Variants in ARFGEF3 observed in about 807,000 individuals in gnomAD.
The protein encoded by ARFGEF3 is brefeldin A-inhibited guanine nucleotide-exchange protein 3.
In ARFGEF3, 96 loss-of-function variants were observed where a neutral mutation model predicts 221.7. That is an observed-to-expected ratio of 0.43 (90% confidence interval 0.37 to 0.51). ARFGEF3 has a LOEUF of 0.51. Among genes scored for constraint, ARFGEF3 ranks in the 20% least tolerant of loss-of-function variants. The pLI, the probability that ARFGEF3 is intolerant of heterozygous loss-of-function variation, is 0.00. For synonymous variants in ARFGEF3, 1,145 were observed against 1,126.8 expected (o/e 1.02, Z -0.32); for missense variants, 2,410 against 2,789.9 (o/e 0.86, Z 3.07).
chr6:138,209,777 A>C (rs977183520), intron 3 of ARFGEF3, 133 bp from the exon 4 acceptor site: 9 of 1,127,840 alleles, frequency 8.0e-6, no homozygotes, highest in Non-Finnish European at 1.1e-5. Context: ...ACATAGCGTA[A>C]GTTCTTTCTT....
At chr6:138,315,724 G>A (rs754933968) in intron 26 of ARFGEF3, among the ~76,000 whole-genome samples, 18 of 152,056 alleles carry the variant, frequency 1.2e-4, no homozygotes, top group Admixed American at 2.6e-4. Context: ...GTGGGGGGGC[G>A]CCTGTAATCC....
Position 138,337,485 on chromosome 6 carries a change from AGGGAGCAGGGAGTGTGGGGTGGGGAT to A in ARFGEF3, c.*1002_*1027del, listed in dbSNP as rs1386565193. ...CGCTTGGAGGAAAGGGACTCAGGGA[AGGGAGCAGGGAGTGTGGGGTGGGGAT>A]GGATTATGATGAAATCATTTTCAAT... On this transcript the variant is annotated 3_prime_UTR_variant, in exon 34 of 34. Coordinates refer to ENST00000251691, the MANE Select transcript of ARFGEF3 (RefSeq NM_020340.5). The A allele has an allele frequency of 1.3e-5, 2 of 152,656 alleles. No individual in the cohort carries two copies. Among genetic ancestry groups the A allele is most frequent in the Admixed American group, 1.3e-4 (2 of 15,286 alleles). The allele number at this position is 152,656 out of a possible 1,614,324, so 9.5% of individuals were successfully genotyped here. A position where few individuals can be genotyped will look rare whatever the true frequency, so the allele number is the denominator to read the frequency against.
In ARFGEF3 at chr6:138,319,757, T is replaced by C. The variant is rs770273050; in HGVS notation, c.4529T>C (p.Val1510Ala). Residue 1510 changes from valine (V) to alanine (A), a missense_variant, in exon 28 of 34, where the codon GTT becomes GCT. Transcript: ENST00000251691. ...CACCTCCTCCTTCCTGTGATGTCCGTTTGGCTCCGCCGGAGCCATAAAGAC... is the reference window on the plus strand; with the variant it reads ...CACCTCCTCCTTCCTGTGATGTCCGCTTGGCTCCGCCGGAGCCATAAAGAC... Reference protein sequence around the residue: ...VVHLLLPVMSVWLRRSHKDHS... With the variant: ...VVHLLLPVMSAWLRRSHKDHS... 7.8e-5 allele frequency: 126 copies of C among 1,613,642 alleles called. No homozygotes were observed. Among genetic ancestry groups the C allele is most frequent in the Non-Finnish European group, 1.0e-4 (121 of 1,179,782 alleles).
At chr6:138,307,851 A>G (rs1162090412) in intron 23 of ARFGEF3, among the ~76,000 whole-genome samples, 1 of 152,064 alleles carries the variant, frequency 6.6e-6, no homozygotes, top group Non-Finnish European at 1.5e-5. Context: ...TAAACTCAGA[A>G]ACCCACCAGA....
At chr6:138,315,868 A>T (rs1157946405) in intron 26 of ARFGEF3, among the ~76,000 whole-genome samples, 1 of 151,684 alleles carries the variant, frequency 6.6e-6, no homozygotes, top group Non-Finnish European at 1.5e-5. Flanking sequence ...AAAAATTCTC[A>T]CAAGTTCAGA....
intron 23 of ARFGEF3, 76 bp downstream of exon 23, chr6:138,307,473 ATTG>A: frequency 1.4e-5 from 16 of 1,142,704 alleles, no homozygotes; most frequent in Admixed American, 2.0e-5. Flanking sequence ...AAAAAAAAAA[ATTG>A]AACAATAGGG....
intron 22 of ARFGEF3, among the ~76,000 whole-genome samples, chr6:138,304,664 G>T (rs1468142206): frequency 6.6e-6 from 1 of 152,138 alleles, no homozygotes; most frequent in Admixed American, 6.5e-5. Flanking sequence ...AAAATATATT[G>T]CTTTGAGTTT....
chr6:138,243,190 A>G (rs1778425490), intron 7 of ARFGEF3, among the ~76,000 whole-genome samples, 196 bp downstream of exon 7: 1 of 152,154 alleles, frequency 6.6e-6, no homozygotes, highest in Non-Finnish European at 1.5e-5. Flanking sequence ...ACGTTCACTT[A>G]TGCCAACCAC....
At chr6:138,226,564 G>A (rs553473149) in intron 4 of ARFGEF3, among the ~76,000 whole-genome samples, 179 of 150,700 alleles carry the variant, frequency 1.2e-3, no homozygotes, top group African/African-American at 4.4e-3. Flanking sequence ...CATCACTCAA[G>A]TTCCTGCTGT....
intron 4 of ARFGEF3, among the ~76,000 whole-genome samples, chr6:138,224,681 A>G (rs1778047133): frequency 6.6e-6 from 1 of 152,220 alleles, no homozygotes; most frequent in African/African-American, 2.4e-5. Context: ...GGTGCTGTAA[A>G]CATGGCAGGC....
intron 10 of ARFGEF3, among the ~76,000 whole-genome samples, chr6:138,259,421 CT>C (rs1353778817): frequency 4.6e-5 from 7 of 152,190 alleles, no homozygotes; most frequent in Admixed American, 3.3e-4. Flanking sequence ...AAAAAGTACA[CT>C]TTGCTTCCTT....
intron 21 of ARFGEF3, among the ~76,000 whole-genome samples, chr6:138,297,639 G>A (rs1369386050): frequency 1.3e-5 from 2 of 152,166 alleles, no homozygotes; most frequent in East Asian, 1.9e-4. Flanking sequence ...GAACATTCTA[G>A]TAAGCAAAAT....
Position 138,263,188 on chromosome 6 carries a change from G to T in ARFGEF3, c.1705G>T (p.Val569Phe), listed in dbSNP as rs1334169670. The T allele has an allele frequency of 6.2e-7, 1 of 1,613,902 alleles. No individual in the cohort carries two copies. The highest frequency in any genetic ancestry group is 8.5e-7 in the Non-Finnish European group (1 of 1,179,902). The change falls in exon 12 of 34, where the codon GTC (valine) becomes TTC (phenylalanine). Residue 569 changes from valine (V) to phenylalanine (F), a missense_variant. This residue lies in a region of ARFGEF3 where 594 missense variants were observed against 734.3 expected (regional missense o/e 0.81). Transcript: ENST00000251691. The stretch of plus-strand genomic sequence containing the variant: ...AGATGTCGTGCAGAGAAGCCACACG[G>T]TCCCTTACCCTGACATAACTAACTT... ...QPDVVQRSHT[V>F]PYPDITNFLS...
chr6:138,268,683 G>A (rs774652652), intron 12 of ARFGEF3, among the ~76,000 whole-genome samples: 1 of 152,210 alleles, frequency 6.6e-6, no homozygotes, highest in Non-Finnish European at 1.5e-5. Context: ...GTGTAAGGTG[G>A]TTCCTCAGCA....
intron 22 of ARFGEF3, among the ~76,000 whole-genome samples, chr6:138,301,671 G>T (rs189355728): frequency 6.6e-6 from 1 of 152,192 alleles, no homozygotes; most frequent in South Asian, 2.1e-4. Flanking sequence ...TGAAACATGG[G>T]CATGTACAGG....
chr6:138,297,006 G>C, intron 21 of ARFGEF3, 51 bp downstream of exon 21: 1 of 1,562,340 alleles, frequency 6.4e-7, no homozygotes, highest in Non-Finnish European at 8.6e-7. Context: ...TCAGTGACCA[G>C]CAGAGCCAGC....
At chr6:138,219,925 C>T in intron 4 of ARFGEF3, among the ~76,000 whole-genome samples, 1 of 152,140 alleles carries the variant, frequency 6.6e-6, no homozygotes, top group African/African-American at 2.4e-5. Context: ...TTCTTGTATA[C>T]TGATTTCTCA....
chr6:138,206,343 C>CTTTTTTT (rs542624433), intron 2 of ARFGEF3, among the ~76,000 whole-genome samples: 2 of 135,086 alleles, frequency 1.5e-5, no homozygotes, highest in Admixed American at 7.6e-5. Context: ...AATATCTCTC[C>CTTTTTTT]TTTTTTTTTT....
At position 138,188,277 on chromosome 6, in the gene ARFGEF3, G is replaced by A. The variant is rs61392925; in HGVS notation, c.137+17564G>A. On this transcript the variant is annotated intron_variant, in intron 2 of 33. Coordinates refer to ENST00000251691, the MANE Select transcript of ARFGEF3 (RefSeq NM_020340.5). ...GTGGTCTCTGGTAGATATGAATGGC[G>A]AGAATAATCATGTCAGGCAGACTTA... is the stretch of plus-strand genomic sequence containing the variant. 8.2e-3 allele frequency among the ~76,000 whole-genome samples: 1,251 copies of A among 152,258 alleles called. 22 individuals are homozygous for A. Among genetic ancestry groups the A allele is most frequent in the African/African-American group, 0.029 (1,199 of 41,530 alleles).
Sources: allele counts gnomAD v4.1 joint callset (sites outside exome capture counted in the v4.1 genomes callset), GRCh38; gene constraint gnomAD v4.1.1; regional missense constraint gnomAD v4.1.1; transcripts MANE v1.5; gene names NCBI Gene and HGNC (gene_info 2026-07-23, HGNC 2026-07-21).